The following ELP3 variants were observed in gnomAD, a reference collection of about 807,000 sequenced individuals.
The protein encoded by ELP3 is elongator acetyltransferase complex subunit 3.
In ELP3, 56 loss-of-function variants were observed where a neutral mutation model predicts 74.9. That is an observed-to-expected ratio of 0.75 (90% CI 0.60 to 0.93). ELP3 has a LOEUF of 0.93. ELP3 is among the 40% of genes least tolerant of loss of function. The pLI is 0.00. For synonymous variants in ELP3, 222 were observed against 239.8 expected (o/e 0.93, Z 0.68); for missense variants, 573 against 686.5 (o/e 0.83, Z 1.85).
rs1380272320 is a variant in ELP3, at chr8:28,156,183, C to T, written c.1191+151C>T. Reference sequence around the variant, plus strand: ...TGAAAGCATAGTCACTGAACTGTGTCGGAGCTGAAGCCAGTGGTGCAGGGG... The same window carrying T: ...TGAAAGCATAGTCACTGAACTGTGTTGGAGCTGAAGCCAGTGGTGCAGGGG... On this transcript the variant is annotated intron_variant, in intron 11 of 14. Coordinates refer to ENST00000256398, the MANE Select transcript of ELP3 (RefSeq NM_018091.6). 9 of 665,148 alleles carry T rather than the reference C, an allele frequency of 1.4e-5. No individual in the cohort carries two copies. The Middle Eastern group carries it at 9.9e-4, about 73-fold the overall frequency. The allele number at this position is 665,148 out of a possible 1,614,324, so 41.2% of individuals were successfully genotyped here.
chr8:28,107,422 G>A (rs1173622873), intron 4 of ELP3, among the ~76,000 whole-genome samples: 1 of 152,074 alleles, frequency 6.6e-6, no homozygotes, highest in Non-Finnish European at 1.5e-5. Flanking sequence ...TAAATTCCAC[G>A]TCAGAAATTT....
intron 11 of ELP3, 132 bp downstream of exon 11, chr8:28,156,164 C>A: frequency 1.4e-6 from 1 of 711,602 alleles, no homozygotes; most frequent in Non-Finnish European, 2.5e-6. Context: ...ATGTTGAAAG[C>A]ATAGTCACTG....
intron 10 of ELP3, among the ~76,000 whole-genome samples, chr8:28,140,027 G>T (rs1337937736): frequency 6.6e-6 from 1 of 152,176 alleles, no homozygotes; most frequent in African/African-American, 2.4e-5. Context: ...CATTTTATAT[G>T]AGGGACTTGA....
intron 1 of ELP3, 103 bp downstream of exon 1, chr8:28,093,336 C>G: frequency 6.7e-7 from 1 of 1,496,070 alleles, no homozygotes. Flanking sequence ...ATCCGCTACC[C>G]AGTCCAGTCG....
intron 14 of ELP3, among the ~76,000 whole-genome samples, chr8:28,171,775 T>A (rs189235258): frequency 6.6e-6 from 1 of 152,282 alleles, no homozygotes; most frequent in East Asian, 1.9e-4. Context: ...TCTAAGGGCT[T>A]TATATAAAGT....
upstream of ELP3, among the ~76,000 whole-genome samples, chr8:28,092,283 A>G (rs1811073922): frequency 6.6e-6 from 1 of 152,164 alleles, no homozygotes; most frequent in Non-Finnish European, 1.5e-5. Flanking sequence ...TAGGCTGGAC[A>G]ACAGAGAATG....
chr8:28,188,148 G>A (rs1428574249), intron 14 of ELP3, among the ~76,000 whole-genome samples: 1 of 152,204 alleles, frequency 6.6e-6, no homozygotes, highest in Non-Finnish European at 1.5e-5. Context: ...TCCCCGCCCA[G>A]CCTCAGCTGT....
intron 14 of ELP3, among the ~76,000 whole-genome samples, chr8:28,179,452 C>A (rs1466043817): frequency 6.6e-6 from 1 of 152,090 alleles, no homozygotes; most frequent in Non-Finnish European, 1.5e-5. Context: ...AAGCAGTGGT[C>A]CCCAACCTTT....
At chr8:28,188,869 A>G (rs1216264694) in intron 14 of ELP3, among the ~76,000 whole-genome samples, 4 of 152,094 alleles carry the variant, frequency 2.6e-5, no homozygotes, top group African/African-American at 4.8e-5. Flanking sequence ...TCTGCTTGCA[A>G]TTGGTGTCTG....
intron 3 of ELP3, among the ~76,000 whole-genome samples, 188 bp downstream of exon 3, chr8:28,100,154 A>G (rs563067497): frequency 2.0e-5 from 3 of 152,342 alleles, no homozygotes; most frequent in African/African-American, 7.2e-5. Context: ...AGAAAAAAAT[A>G]TAATTGTGAT....
chr8:28,172,889 T>C (rs1366467457), intron 14 of ELP3, among the ~76,000 whole-genome samples: 1 of 152,090 alleles, frequency 6.6e-6, no homozygotes, highest in Non-Finnish European at 1.5e-5. Context: ...GCATTTGAGC[T>C]GATTGTATGA....
intron 1 of ELP3, among the ~76,000 whole-genome samples, chr8:28,096,286 A>C (rs1410142397): frequency 1.3e-5 from 2 of 152,278 alleles, no homozygotes; most frequent in African/African-American, 4.8e-5. Context: ...ATAACAATGC[A>C]GTAATAAAAA....
At chr8:28,132,476 T>TTG in intron 9 of ELP3, 72 bp downstream of exon 9, 2 of 1,589,178 alleles carry the variant, frequency 1.3e-6, no homozygotes, top group Non-Finnish European at 1.7e-6. Context: ...TCTTGTTGCT[T>TTG]GTTCACTGTT....
At chr8:28,114,776 GA>G (rs1225577157) in intron 7 of ELP3, among the ~76,000 whole-genome samples, 2 of 152,192 alleles carry the variant, frequency 1.3e-5, no homozygotes, top group Admixed American at 1.3e-4. Flanking sequence ...TAAGGGCCAA[GA>G]TACATGCTTT....
At chr8:28,154,753 G>C (rs1563276870) in intron 10 of ELP3, among the ~76,000 whole-genome samples, 1 of 152,150 alleles carries the variant, frequency 6.6e-6, no homozygotes, top group African/African-American at 2.4e-5. Flanking sequence ...GAAAATTATA[G>C]TTCCAAAGAT....
At chr8:28,171,369 G>A (rs574015783) in intron 14 of ELP3, among the ~76,000 whole-genome samples, 4 of 150,636 alleles carry the variant, frequency 2.7e-5, no homozygotes, top group Admixed American at 6.6e-5. Context: ...TTTTTTTATA[G>A]CCATCCTAGT....
At chr8:28,126,960 C>A (rs1530929) in intron 7 of ELP3, among the ~76,000 whole-genome samples, 89,260 of 152,044 alleles carry the variant, frequency 0.59, 28,162 homozygotes, top group East Asian at 0.92. Flanking sequence ...TTTTCAGATG[C>A]AAATACAATT....
upstream of ELP3, among the ~76,000 whole-genome samples, chr8:28,090,924 T>C (rs1247648707): frequency 1.4e-5 from 2 of 147,168 alleles, no homozygotes; most frequent in Admixed American, 6.8e-5. Context: ...TTTTTTTTTT[T>C]GAGCCGGAGT....
chr8:28,125,763 T>C (rs1434008503), intron 7 of ELP3, among the ~76,000 whole-genome samples: 1 of 112,640 alleles, frequency 8.9e-6, no homozygotes, highest in East Asian at 3.9e-4. Context: ...ATTTCTCTTT[T>C]TTTTTTTTTT....
Sources: gnomAD v4.1 joint callset for allele counts (sites outside exome capture counted in the v4.1 genomes callset) on GRCh38, gnomAD v4.1.1 for gene constraint, MANE v1.5 for transcripts, NCBI Gene and HGNC (gene_info 2026-07-23, HGNC 2026-07-21) for gene names.